Variants in ARMH1 observed in about 807,000 individuals in gnomAD.
ARMH1 encodes the protein armadillo like helical domain containing 1, also known as armadillo-like helical domain containing protein 1.
Under a neutral mutation model 50.2 loss-of-function variants are expected in ARMH1, and 34 were observed. That is an observed-to-expected ratio of 0.68 (90% CI 0.51 to 0.90). The LOEUF is 0.90. Among genes scored for constraint, ARMH1 ranks in the 40% least tolerant of loss-of-function variants. ARMH1 has a pLI of 0.00. For synonymous variants in ARMH1, 221 were observed against 224.2 expected (o/e 0.99, Z 0.13); for missense variants, 538 against 553.9 (o/e 0.97, Z 0.29).
At chr1:44,691,528 G>A (rs1645659412) in intron 2 of ARMH1, among the ~76,000 whole-genome samples, 1 of 152,094 alleles carries the variant, frequency 6.6e-6, no homozygotes, top group African/African-American at 2.4e-5. Flanking sequence ...TTATCTTGGT[G>A]TCTATGCATT....
intron 6 of ARMH1, among the ~76,000 whole-genome samples, chr1:44,720,552 TGAG>T (rs1647056746): frequency 6.6e-6 from 1 of 152,140 alleles, no homozygotes; most frequent in Non-Finnish European, 1.5e-5. Context: ...CACACACTAG[TGAG>T]GAGACCATTT....
rs139100267 is a variant in ARMH1, at chr1:44,682,923, G to A, written c.-22-6753G>A. On this transcript the variant is annotated intron_variant, in intron 1 of 11. Transcript: ENST00000535358. This position sits in a 1 kb window ranked among gnomAD's most constrained non-coding sequence, Gnocchi z 4.5. Reference sequence around the variant, plus strand: ...CCACTGCACTCCAGCCTGGGTGACAGAGCAAGGCCCTGTCTCAAAAATAAA... The same window carrying A: ...CCACTGCACTCCAGCCTGGGTGACAAAGCAAGGCCCTGTCTCAAAAATAAA... Among the ~76,000 whole-genome samples the A allele has an allele frequency of 8.3e-4, 127 of 152,264 alleles. No homozygotes were observed. The highest frequency in any genetic ancestry group is 2.7e-3 in the African/African-American group (114 of 41,562).
chr1:44,721,349 T>A (rs1010250675), intron 6 of ARMH1, among the ~76,000 whole-genome samples: 2 of 152,066 alleles, frequency 1.3e-5, no homozygotes, highest in Non-Finnish European at 2.9e-5. Context: ...TCCTAACTCT[T>A]AAGTTTTTCC....
intron 6 of ARMH1, among the ~76,000 whole-genome samples, chr1:44,719,982 G>A (rs1647019521): frequency 1.3e-5 from 2 of 152,072 alleles, no homozygotes; most frequent in Admixed American, 1.3e-4. Flanking sequence ...ATCACCTGAG[G>A]ACAGGAGTTA....
chr1:44,682,411 A>G lies in ARMH1; in HGVS notation c.-22-7265A>G, dbSNP rs1645342661. ...AGGAACAGTAGTAGGGATTTAGAGA[A>G]TGGTGTTTGAGGTGTAGGATAGTGG... On this transcript the variant is annotated intron_variant, in intron 1 of 11. Coordinates refer to ENST00000535358, the MANE Select transcript of ARMH1 (RefSeq NM_001145636.2). The surrounding 1 kb of genome is among the most constrained non-coding windows in gnomAD (Gnocchi z 4.5). Among the ~76,000 whole-genome samples, 1 of 152,068 alleles carries G rather than the reference A, an allele frequency of 6.6e-6. No individual in the cohort carries two copies. The highest frequency in any genetic ancestry group is 2.1e-4 in the South Asian group (1 of 4,824).
At chr1:44,700,394 C>G (rs372235916) in intron 4 of ARMH1, among the ~76,000 whole-genome samples, 7 of 152,120 alleles carry the variant, frequency 4.6e-5, no homozygotes, top group East Asian at 3.9e-4. Flanking sequence ...AAGGTGGGCG[C>G]ATCACGAGGT....
intron 6 of ARMH1, among the ~76,000 whole-genome samples, chr1:44,723,398 G>A (rs897263877): frequency 3.3e-5 from 5 of 152,182 alleles, no homozygotes; most frequent in African/African-American, 1.2e-4. Flanking sequence ...ATGCTGGACT[G>A]AATGAATGAC....
chr1:44,699,080 A>G (rs982422808), intron 4 of ARMH1, among the ~76,000 whole-genome samples: 1 of 152,086 alleles, frequency 6.6e-6, no homozygotes, highest in Admixed American at 6.6e-5. Context: ...CAGGAGATCA[A>G]GACCATCCTG....
intron 6 of ARMH1, among the ~76,000 whole-genome samples, chr1:44,722,121 G>A (rs1352974893): frequency 6.6e-6 from 1 of 152,192 alleles, no homozygotes; most frequent in East Asian, 1.9e-4. Context: ...TGCATTCTGG[G>A]ATGCAAATGA....
chr1:44,705,629 A>G (rs1646309173), intron 6 of ARMH1, among the ~76,000 whole-genome samples: 1 of 152,234 alleles, frequency 6.6e-6, no homozygotes, highest in African/African-American at 2.4e-5. Context: ...AAGATACAAC[A>G]ATAAAGCACA....
rs1647976133 is a variant in ARMH1 at position 44,724,611 on chromosome 1, C to T, written c.993C>T (p.Ala331=). The T allele has an allele frequency of 2.0e-6, 3 of 1,515,286 alleles. No homozygotes were observed. Among genetic ancestry groups the T allele is most frequent in the East Asian group, 2.7e-5 (1 of 37,388 alleles). 93.9% of individuals were successfully genotyped at this position (1,515,286 alleles called of 1,614,324 possible). The stretch of plus-strand genomic sequence containing the variant: ...TGCGCGTGGTGCGTGGCCTAATGGC[C>T]GCCATGGGCAACACGGACCACAGCA... ...LYLRVVRGLM[A]AMGNTDHSNS... The change falls in exon 9 of 12, where the codon GCC becomes GCT. Residue 331 remains alanine (A), a synonymous_variant. Coordinates refer to ENST00000535358, the MANE Select transcript of ARMH1 (RefSeq NM_001145636.2). The surrounding 1 kb of genome is among the most constrained non-coding windows in gnomAD (Gnocchi z 6.4).
intron 6 of ARMH1, chr1:44,723,665 A>G: frequency 6.4e-6 from 1 of 156,690 alleles, no homozygotes; most frequent in Non-Finnish European, 1.4e-5. Context: ...AGAGGGCTCG[A>G]TGATGGTTAG....
chr1:44,721,185 C>T (rs1424067874), intron 6 of ARMH1, among the ~76,000 whole-genome samples: 1 of 152,034 alleles, frequency 6.6e-6, no homozygotes, highest in Non-Finnish European at 1.5e-5. Flanking sequence ...AAAAGTAAGC[C>T]GGCCCTCAGG....
In ARMH1 at chr1:44,725,231, G is replaced by C; in HGVS notation, c.1210+14G>C. 6.4e-7 allele frequency: 1 copy of C among 1,551,662 alleles called. No homozygotes were observed. Among genetic ancestry groups the C allele is most frequent in the Non-Finnish European group, 8.7e-7 (1 of 1,146,958 alleles). ...ATGTTACCAAAGGTGAGTGTGGGAC[G>C]AGGGAAGCCGGGCGCAGGCGCCGCC... On this transcript the variant is annotated intron_variant, in intron 11 of 11. Coordinates refer to ENST00000535358, the MANE Select transcript of ARMH1 (RefSeq NM_001145636.2).
At chr1:44,684,355 A>C (rs1016083011) in intron 1 of ARMH1, 1 of 152,194 alleles carries the variant, frequency 6.6e-6, no homozygotes, top group African/African-American at 2.4e-5. Context: ...AAATATACTT[A>C]ATGTCTTTTA....
At chr1:44,697,836 A>G (rs1224765750) in intron 3 of ARMH1, among the ~76,000 whole-genome samples, 1 of 152,098 alleles carries the variant, frequency 6.6e-6, no homozygotes, top group Non-Finnish European at 1.5e-5. Context: ...GTATTACAAG[A>G]AGAAGAAGAG....
chr1:44,687,151 T>G (rs1645499115), intron 1 of ARMH1, among the ~76,000 whole-genome samples: 1 of 152,178 alleles, frequency 6.6e-6, no homozygotes, highest in African/African-American at 2.4e-5. Flanking sequence ...AGGCTGAGAT[T>G]ACAGTGTCAC....
At chr1:44,687,861 G>T (rs1263692478) in intron 1 of ARMH1, among the ~76,000 whole-genome samples, 1 of 152,306 alleles carries the variant, frequency 6.6e-6, no homozygotes, top group South Asian at 2.1e-4. Flanking sequence ...ACATTGAGGA[G>T]CCGTAATGTG....
chr1:44,694,612 C>A (rs1473804394), intron 2 of ARMH1, among the ~76,000 whole-genome samples: 1 of 150,258 alleles, frequency 6.7e-6, no homozygotes, highest in Non-Finnish European at 1.5e-5. Flanking sequence ...CAGGTTCAAG[C>A]GATTCTCCTG....
Sources: gnomAD v4.1 joint callset for allele counts (sites outside exome capture counted in the v4.1 genomes callset) on GRCh38, gnomAD v4.1.1 for gene constraint, Gnocchi (gnomAD v3.1) non-coding constraint, MANE v1.5 for transcripts, NCBI Gene and HGNC (gene_info 2026-07-23, HGNC 2026-07-21) for gene names.